The following PRKN variants were observed in gnomAD, a reference collection of about 807,000 sequenced individuals.
PRKN encodes parkin RBR E3 ubiquitin protein ligase.
In PRKN, 56 loss-of-function variants were observed where a neutral mutation model predicts 59.5. The observed-to-expected ratio is 0.94, with a 90% confidence interval of 0.76 to 1.18. PRKN has a LOEUF of 1.18. Among genes scored for constraint, PRKN ranks in the 50% most tolerant of loss-of-function variants. The pLI is 0.00. For missense variants in PRKN, 657 were observed against 596.4 expected, an observed-to-expected ratio of 1.10 and a Z score of -1.06; for synonymous variants, 250 against 222.1, an observed-to-expected ratio of 1.13 and a Z score of -1.12.
At chr6:162,092,610 G>C (rs1318874475) in intron 4 of PRKN, among the ~76,000 whole-genome samples, 4 of 152,130 alleles carry the variant, frequency 2.6e-5, no homozygotes, top group Non-Finnish European at 5.9e-5. Flanking sequence ...GAAATACACA[G>C]TTTAAGGGGC....
At chr6:161,980,270 T>C (rs1290356600) in intron 5 of PRKN, among the ~76,000 whole-genome samples, 1 of 152,172 alleles carries the variant, frequency 6.6e-6, no homozygotes, top group African/African-American at 2.4e-5. Flanking sequence ...TCCATTCTTG[T>C]CTCCAAATCC....
intron 6 of PRKN, among the ~76,000 whole-genome samples, chr6:161,935,222 A>G (rs1779310809): frequency 6.6e-6 from 1 of 152,104 alleles, no homozygotes; most frequent in Admixed American, 6.6e-5. Flanking sequence ...ATTTGTTACA[A>G]TGTGTCTGAG....
intron 5 of PRKN, among the ~76,000 whole-genome samples, chr6:161,993,870 C>A (rs1781741462): frequency 6.6e-6 from 1 of 152,144 alleles, no homozygotes; most frequent in South Asian, 2.1e-4. Context: ...TGTGACATGA[C>A]AGAAGGCAAG....
At chr6:162,279,357 G>T (rs996449479) in intron 2 of PRKN, among the ~76,000 whole-genome samples, 1 of 145,252 alleles carries the variant, frequency 6.9e-6, no homozygotes, top group Non-Finnish European at 1.5e-5. Context: ...AAGAAAGAAA[G>T]AAAGAGAGAG....
At chr6:161,558,290 A>G (rs1054301544) in intron 8 of PRKN, among the ~76,000 whole-genome samples, 6 of 152,120 alleles carry the variant, frequency 3.9e-5, no homozygotes, top group African/African-American at 1.4e-4. Context: ...AGTCAGGTAT[A>G]GTGACTCATG....
intron 7 of PRKN, among the ~76,000 whole-genome samples, chr6:161,661,555 A>C (rs76597205): frequency 6.7e-6 from 1 of 148,508 alleles, no homozygotes; most frequent in Admixed American, 6.7e-5. Flanking sequence ...ACCTGCTTCC[A>C]TTTTTTTTTT....
intron 7 of PRKN, among the ~76,000 whole-genome samples, chr6:161,706,681 C>A (rs888044902): frequency 2.6e-5 from 4 of 152,120 alleles, no homozygotes; most frequent in Non-Finnish European, 5.9e-5. Flanking sequence ...TCTCAGCCTC[C>A]TGAGGAGCTG....
rs577040807 is a variant in PRKN at position 161,789,462 on chromosome 6, T to G, written c.735-3554A>C. Reference sequence around the variant, plus strand: ...TTCTTCTAGTTCCTGTACACCTAGATGCATGCTCTTTGCCATCTAGTCTCA... The same window carrying G: ...TTCTTCTAGTTCCTGTACACCTAGAGGCATGCTCTTTGCCATCTAGTCTCA... On this transcript the variant is annotated intron_variant, in intron 6 of 11. Coordinates refer to ENST00000366898, the MANE Select transcript of PRKN (RefSeq NM_004562.3). Among the ~76,000 whole-genome samples the G allele has an allele frequency of 1.6e-4, 25 of 152,300 alleles. No homozygotes were observed. The East Asian group carries it at 4.6e-3, about 28-fold the overall frequency.
intron 7 of PRKN, among the ~76,000 whole-genome samples, chr6:161,658,608 T>C (rs577824624): frequency 6.6e-6 from 1 of 152,318 alleles, no homozygotes; most frequent in East Asian, 1.9e-4. Context: ...TCTTTACCGG[T>C]ACAAAAAATT....
At chr6:162,444,242 T>C (rs1327790784) in intron 1 of PRKN, among the ~76,000 whole-genome samples, 1 of 152,000 alleles carries the variant, frequency 6.6e-6, no homozygotes, top group Non-Finnish European at 1.5e-5. Context: ...CATCACATCT[T>C]TTCTAGAGTC....
chr6:161,778,916 T>C (rs1352946454), intron 7 of PRKN, among the ~76,000 whole-genome samples: 2 of 152,154 alleles, frequency 1.3e-5, no homozygotes, highest in Non-Finnish European at 2.9e-5. Flanking sequence ...GTCATTTCTG[T>C]TTTCCATACG....
chr6:162,127,735 A>T (rs538589526), intron 4 of PRKN, among the ~76,000 whole-genome samples: 1 of 152,382 alleles, frequency 6.6e-6, no homozygotes, highest in East Asian at 1.9e-4. Context: ...ACTTCACTAC[A>T]TAAAAAGGCA....
chr6:162,412,242 C>A (rs1788387838), intron 2 of PRKN, among the ~76,000 whole-genome samples: 1 of 152,094 alleles, frequency 6.6e-6, no homozygotes, highest in Admixed American at 6.6e-5. Context: ...AGTTGAACTG[C>A]ACAAAGCAAA....
At chr6:162,276,882 C>A (rs9347608) in intron 2 of PRKN, among the ~76,000 whole-genome samples, 10,987 of 152,054 alleles carry the variant, frequency 0.072, 1,100 homozygotes, top group East Asian at 0.5. Context: ...ATAGTTTATT[C>A]AACCAATACC....
rs542959097 is a variant in PRKN at position 161,732,481 on chromosome 6, T to G, written c.871+53291A>C. Among the ~76,000 whole-genome samples, 837 of 130,294 alleles carry G rather than the reference T, an allele frequency of 6.4e-3. 3 individuals carry two copies. Among genetic ancestry groups the G allele is most frequent in the African/African-American group, 0.031 (656 of 21,472 alleles). 85.5% of individuals were successfully genotyped at this position (130,294 alleles called of 152,430 possible). A position where few individuals can be genotyped will look rare whatever the true frequency, so the allele number is the denominator to read the frequency against. On this transcript the variant is annotated intron_variant, in intron 7 of 11. Coordinates refer to ENST00000366898, the MANE Select transcript of PRKN (RefSeq NM_004562.3). ...GCTTGCATTTCTTCAGAGGTTTTTTTTTTTTGTGTGTGTGTGTGTGTGGAG... is the reference window on the plus strand; with the variant it reads ...GCTTGCATTTCTTCAGAGGTTTTTTGTTTTTGTGTGTGTGTGTGTGTGGAG...
chr6:162,555,733 G>A (rs1779535600), intron 1 of PRKN, among the ~76,000 whole-genome samples: 1 of 152,236 alleles, frequency 6.6e-6, no homozygotes. Context: ...GCTCACGGCT[G>A]TAATCCCAGC....
At chr6:161,540,626 C>T (rs926129487) in intron 9 of PRKN, among the ~76,000 whole-genome samples, 1 of 152,116 alleles carries the variant, frequency 6.6e-6, no homozygotes, top group Non-Finnish European at 1.5e-5. Context: ...TGCAACTCAG[C>T]ACTACGGATT....
intron 7 of PRKN, among the ~76,000 whole-genome samples, chr6:161,598,197 T>C (rs1249652651): frequency 1.3e-5 from 2 of 152,242 alleles, no homozygotes; most frequent in Non-Finnish European, 2.9e-5. Flanking sequence ...CTATGCTCGA[T>C]GCCTAGTGCT....
intron 7 of PRKN, among the ~76,000 whole-genome samples, chr6:161,726,946 G>A (rs1787466440): frequency 6.6e-6 from 1 of 152,172 alleles, no homozygotes; most frequent in Admixed American, 6.5e-5. Context: ...CTGAAAGTAG[G>A]CTGCTTCTGT....
Sources: allele counts gnomAD v4.1 joint callset (sites outside exome capture counted in the v4.1 genomes callset), GRCh38; gene constraint gnomAD v4.1.1; transcripts MANE v1.5; gene names NCBI Gene and HGNC (gene_info 2026-07-23, HGNC 2026-07-21).